Variants in NACA observed in about 807,000 individuals in gnomAD.
NACA encodes nascent polypeptide associated complex subunit alpha.
In NACA, 42 loss-of-function variants were observed where a neutral mutation model predicts 86.4. The ratio of observed to expected loss-of-function variants is 0.49; its 90% CI spans 0.38 to 0.63. The LOEUF (loss-of-function observed/expected upper bound fraction) is 0.63. Ranked by LOEUF, NACA falls within the 20% of genes least tolerant of loss-of-function variation. The pLI is 0.00. For missense variants in NACA, 2,157 were observed against 2,483.6 expected, an observed-to-expected ratio of 0.87 and a Z score of 2.80; for synonymous variants, 898 against 973.7, an observed-to-expected ratio of 0.92 and a Z score of 1.45.
Position 56,720,386 on chromosome 12 carries a change from C to T in NACA, c.1144G>A (p.Asp382Asn), listed in dbSNP as rs1321605291. The part of the protein sequence containing the change: ...AAFPVVAPSV[D>N]KGPSTISSIT... Reference sequence around the variant, plus strand: ...CTAGAGATGGTAGAGGGACCTTTGTCAACAGATGGAGCCACCACTGGAAAG... The same window carrying T: ...CTAGAGATGGTAGAGGGACCTTTGTTAACAGATGGAGCCACCACTGGAAAG... The change falls in exon 3 of 9, where the codon GAC becomes AAC. Residue 382 changes from aspartate to asparagine, a missense_variant. By Grantham distance (23) the Asp-to-Asn change is conservative. Coordinates refer to ENST00000454682, the MANE Select transcript of NACA (RefSeq NM_001365896.1). 1.5e-5 allele frequency: 25 copies of T among 1,613,842 alleles called. No homozygotes were observed. The highest frequency in any genetic ancestry group is 2.1e-5 in the Non-Finnish European group (25 of 1,179,846).
In NACA at chr12:56,720,520, T is replaced by C. The variant is rs1953542246; in HGVS notation, c.1010A>G (p.Lys337Arg). The C allele has an allele frequency of 6.2e-7, 1 of 1,613,724 alleles. No homozygotes were observed. Among genetic ancestry groups the C allele is most frequent in the Admixed American group, 1.7e-5 (1 of 60,018 alleles). ...GGAAGAATGATCTACAGAAATGGTC[T>C]TCACTGTAGGGTCTGACAAAGCACT... is the stretch of plus-strand genomic sequence containing the variant. ...GPSALSDPTV[K>R]TISVDHSSTG... The change falls in exon 3 of 9, where the codon AAG becomes AGG. Residue 337 changes from lysine to arginine, a missense_variant. This residue lies in a region of NACA where 947 missense variants were observed against 917.9 expected (regional missense o/e 1.03). Transcript: ENST00000454682.
chr12:56,713,214 C>T (rs202101850), intron 6 of NACA, 24 bp from the exon 7 acceptor site: 2 of 1,611,812 alleles, frequency 1.2e-6, no homozygotes, highest in Non-Finnish European at 1.7e-6. Flanking sequence ...AATACAGATC[C>T]ATGTGAGTAG....
Position 56,720,889 on chromosome 12 carries a change from T to A in NACA, c.641A>T (p.Tyr214Phe), listed in dbSNP as rs772622762. Residue 214 changes from tyrosine to phenylalanine, a missense_variant, in exon 3 of 9, where the codon TAC (tyrosine) becomes TTC (phenylalanine). Tyr to Phe is a conservative substitution (Grantham distance 22). Around this residue, in one of 8 missense-constraint regions of NACA, gnomAD observed 947 missense variants for 917.9 expected, o/e 1.03. Transcript: ENST00000454682. ...AGAGGCCATGGGAGTCACACAGTGGTAAGGAACAGTACTGACTATACATGG... is the reference window on the plus strand; with the variant it reads ...AGAGGCCATGGGAGTCACACAGTGGAAAGGAACAGTACTGACTATACATGG... Reference protein sequence around the residue: ...SPPCIVSTVPYHCVTPMASIQ... With the variant: ...SPPCIVSTVPFHCVTPMASIQ... The A allele has an allele frequency of 6.2e-7, 1 of 1,613,824 alleles. No homozygotes were observed. The highest frequency in any genetic ancestry group is 1.1e-5 in the South Asian group (1 of 91,072).
rs1278108361 is a variant in NACA at position 56,716,244 on chromosome 12, C to T, written c.5286G>A (p.Leu1762=). The T allele has an allele frequency of 6.2e-7, 1 of 1,613,748 alleles. No homozygotes were observed. The highest frequency in any genetic ancestry group is 1.1e-5 in the South Asian group (1 of 91,034). The change falls in exon 3 of 9, where the codon TTG becomes TTA. Residue 1762 remains leucine (L), a synonymous_variant. Coordinates refer to ENST00000454682, the MANE Select transcript of NACA (RefSeq NM_001365896.1). ...KDASHSPKGP[L]APPESKASTP... is the part of the protein sequence containing the mutation. ...TGGACGCCTTAGACTCAGGAGGAGC[C>T]AAGGGGCCCTTTGGGGAATGAGAAG...
chr12:56,718,931 G>A lies in NACA; in HGVS notation c.2599C>T (p.Pro867Ser), dbSNP rs763741400. ...TPPSPKGAPT[P>S]SAVTPLSPKG... is the part of the protein sequence containing the mutation. Reference sequence around the variant, plus strand: ...GGAGACAGAGGAGTCACAGCTGAGGGAGTAGGGGCCCCTTTGGGGGATGGA... The same window carrying A: ...GGAGACAGAGGAGTCACAGCTGAGGAAGTAGGGGCCCCTTTGGGGGATGGA... Residue 867 changes from proline to serine, a missense_variant, in exon 3 of 9, where the codon CCC (proline) becomes TCC (serine). Physicochemically the swap from Pro to Ser is moderately conservative, Grantham distance 74. This residue lies in a region of NACA where 174 missense variants were observed against 217.0 expected (regional missense o/e 0.80). Transcript: ENST00000454682. The A allele has an allele frequency of 3.5e-6, 5 of 1,441,232 alleles. No individual in the cohort carries two copies. The highest frequency in any genetic ancestry group is 3.7e-6 in the Non-Finnish European group (4 of 1,068,090). 89.3% of individuals were successfully genotyped at this position (1,441,232 alleles called of 1,614,324 possible). A position where few individuals can be genotyped will look rare whatever the true frequency, so the allele number is the denominator to read the frequency against.
In NACA at chr12:56,716,544, C is replaced by T; in HGVS notation, c.4986G>A (p.Gly1662=). 1 of 1,470,680 alleles carries T rather than the reference C, an allele frequency of 6.8e-7. No individual in the cohort carries two copies. The highest frequency in any genetic ancestry group is 9.2e-7 in the Non-Finnish European group (1 of 1,087,712). The allele number at this position is 1,470,680 out of a possible 1,614,324, so 91.1% of individuals were successfully genotyped here. The change falls in exon 3 of 9, where the codon GGG becomes GGA. Residue 1662 remains glycine (G), a synonymous_variant. Coordinates refer to ENST00000454682, the MANE Select transcript of NACA (RefSeq NM_001365896.1). ...CTTTAGATGCTTGAGGAACAGTGGC[C>T]CCCATTTTACATGTGACAGAAGCTG... ...TSPASVTCKM[G]ATVPQASKGL...
chr12:56,714,294 T>C lies in NACA; in HGVS notation c.5823+68A>G, dbSNP rs189777655. The C allele has an allele frequency of 1.5e-5, 23 of 1,519,810 alleles. No homozygotes were observed. In the African/African-American group the frequency reaches 1.9e-4, roughly 13 times the overall value. 94.1% of individuals were successfully genotyped at this position (1,519,810 alleles called of 1,614,324 possible). ...ATACCACCTGTTCCCCAAAAACCTA[T>C]GGAAATAAACAGTTCCACTCTGTAT... On this transcript the variant is annotated intron_variant, in intron 5 of 8. Coordinates refer to ENST00000454682, the MANE Select transcript of NACA (RefSeq NM_001365896.1).
chr12:56,717,170 C>CT lies in NACA; in HGVS notation c.4359dup (p.Gly1454ArgfsTer83), dbSNP rs762515114. Reference sequence around the variant, plus strand: ...TTGGAGGATGGGGTAGCTGGGCCTCCTTTGGGGGCTGAAGTTGCTGGGGCC... The same window carrying CT: ...TTGGAGGATGGGGTAGCTGGGCCTCCTTTTGGGGGCTGAAGTTGCTGGGGCC... On this transcript the variant is annotated frameshift_variant, in exon 3 of 9. Coordinates refer to ENST00000454682, the MANE Select transcript of NACA (RefSeq NM_001365896.1). LOFTEE classifies it high-confidence loss of function. 2.3e-6 allele frequency: 3 copies of CT among 1,294,252 alleles called. No homozygotes were observed. Among genetic ancestry groups the CT allele is most frequent in the South Asian group, 1.6e-5 (1 of 63,422 alleles). The allele number at this position is 1,294,252 out of a possible 1,614,324, so 80.2% of individuals were successfully genotyped here. A position where few individuals can be genotyped will look rare whatever the true frequency, so the allele number is the denominator to read the frequency against.
intron 5 of NACA, chr12:56,714,001 C>A: frequency 7.7e-6 from 3 of 388,284 alleles, no homozygotes; most frequent in South Asian, 6.0e-5. Flanking sequence ...TACCACCATG[C>A]CCTGCTATAT....
chr12:56,724,330 A>C (rs1230720525), intron 2 of NACA, 122 bp downstream of exon 2: 5 of 909,400 alleles, frequency 5.5e-6, no homozygotes, highest in Non-Finnish European at 6.6e-6. Flanking sequence ...TTTACGGTCT[A>C]TCCTCCTTGG....
Position 56,715,955 on chromosome 12 carries a change from G to C in NACA, c.5575C>G (p.Leu1859Val), listed in dbSNP as rs766165248. Reference sequence around the variant, plus strand: ...GATTTAGGGGTGGGCATGTTGACGAGGACCGACTGGAAAGGCACTCCCCCA... The same window carrying C: ...GATTTAGGGGTGGGCATGTTGACGACGACCGACTGGAAAGGCACTCCCCCA... ...ISGGVPFQSV[L>V]VNMPTPKSAG... is the part of the protein sequence containing the mutation. Residue 1859 changes from leucine (L) to valine (V), a missense_variant, in exon 3 of 9, where the codon CTC (leucine) becomes GTC (valine). By Grantham distance (32) the Leu-to-Val change is conservative. Coordinates refer to ENST00000454682, the MANE Select transcript of NACA (RefSeq NM_001365896.1). The C allele has an allele frequency of 8.4e-6, 13 of 1,546,764 alleles. No individual in the cohort carries two copies. In the African/African-American group the frequency reaches 1.4e-4, roughly 16 times the overall value.
At chr12:56,712,938 T>C in intron 7 of NACA, 30 bp from the exon 8 acceptor site, 1 of 1,613,848 alleles carries the variant, frequency 6.2e-7, no homozygotes, top group Non-Finnish European at 8.5e-7. Context: ...AAGCAGTAAA[T>C]TAAAGGCAAG....
Position 56,719,120 on chromosome 12 carries a change from G to T in NACA, c.2410C>A (p.Gln804Lys). ...TTCTTGGTTGGAGGTCTTTTAGTCT[G>T]AGGAGACACACTAACCCCTAAAGGA... Reference protein sequence around the residue: ...PSPLGVSVSPQTKRPPTKKGS... With the variant: ...PSPLGVSVSPKTKRPPTKKGS... The change falls in exon 3 of 9, where the codon CAG becomes AAG. Residue 804 changes from glutamine to lysine, a missense_variant. Gln to Lys is a moderately conservative substitution (Grantham distance 53, BLOSUM62 1). Transcript: ENST00000454682. 1 of 1,455,270 alleles carries T rather than the reference G, an allele frequency of 6.9e-7. No individual in the cohort carries two copies. 90.1% of individuals were successfully genotyped at this position (1,455,270 alleles called of 1,614,324 possible). A position where few individuals can be genotyped will look rare whatever the true frequency, so the allele number is the denominator to read the frequency against.
intron 3 of NACA, 70 bp downstream of exon 3, chr12:56,715,801 T>C (rs1025592029): frequency 9.0e-5 from 123 of 1,359,546 alleles, no homozygotes; most frequent in Non-Finnish European, 1.2e-4. Context: ...AGGGTTAGTA[T>C]TGGTGGGTAG....
rs182949075 is a variant in NACA, at chr12:56,721,388, G to A, written c.142C>T (p.Pro48Ser). Residue 48 changes from proline to serine, a missense_variant, in exon 3 of 9, where the codon CCT becomes TCT. Transcript: ENST00000454682. ...LGQPGPTLPP[P>S]CSPAPQQCPL... ...CACTGTTGTGGGGCAGGAGAGCAAG[G>A]AGGGGGGAGGGTAGGTCCAGGCTGC... The A allele has an allele frequency of 1.9e-3, 2,986 of 1,574,206 alleles. 9 individuals carry two copies. Among genetic ancestry groups the A allele is most frequent in the Non-Finnish European group, 1.8e-3 (2,129 of 1,163,738 alleles).
In NACA at chr12:56,716,867, C is replaced by G. The variant is rs750074712; in HGVS notation, c.4663G>C (p.Val1555Leu). The G allele has an allele frequency of 4.1e-6, 5 of 1,207,570 alleles. No individual in the cohort carries two copies. The highest frequency in any genetic ancestry group is 7.7e-5 in the East Asian group (2 of 26,126). The allele number at this position is 1,207,570 out of a possible 1,614,324, so 74.8% of individuals were successfully genotyped here. The change falls in exon 3 of 9, where the codon GTT (valine) becomes CTT (leucine). Residue 1555 changes from valine (V) to leucine (L), a missense_variant. Physicochemically the swap from Val to Leu is conservative, Grantham distance 32 (BLOSUM62 1). This residue lies in a region of NACA where 797 missense variants were observed against 777.6 expected (regional missense o/e 1.02). Coordinates refer to ENST00000454682, the MANE Select transcript of NACA (RefSeq NM_001365896.1). ...GCTGGGGTCTTTTTAGGGGAGGGAA[C>G]AGTCATAGCTGGGGGAATGAGGGCC... ...KEALIPPAMT[V>L]PSPKKTPAIP...
chr12:56,717,613 G>C lies in NACA; in HGVS notation c.3917C>G (p.Pro1306Arg), dbSNP rs369635295. The C allele has an allele frequency of 1.0e-5, 13 of 1,261,254 alleles. No individual in the cohort carries two copies. In the South Asian group the frequency reaches 1.2e-4, roughly 12 times the overall value. The allele number at this position is 1,261,254 out of a possible 1,614,324, so 78.1% of individuals were successfully genotyped here. The change falls in exon 3 of 9, where the codon CCC becomes CGC. Residue 1306 changes from proline (P) to arginine (R), a missense_variant. By Grantham distance (103) the Pro-to-Arg change is moderately radical (BLOSUM62 -2). Transcript: ENST00000454682. ...SPKGGPATSP[P>R]KGAPTPPAAT... ...AGCTGGAGGAGTGGGGGCCCCTTTG[G>C]GGGGTGAGGTAGCTGGGCCTCCTTT...
intron 6 of NACA, 164 bp from the exon 7 acceptor site, chr12:56,713,354 T>C: frequency 1.6e-6 from 2 of 1,213,798 alleles, no homozygotes; most frequent in Non-Finnish European, 1.1e-6. Context: ...TTTAGAGCAG[T>C]GGTTCTCAAC....
In NACA at chr12:56,716,767, G is replaced by A; in HGVS notation, c.4763C>T (p.Ser1588Phe). ...GGGGGATGGGGCCCCTTTGTAAGTG[G>A]AAGGAGTCACTGCTGGGGGACTGGA... ...EASSPPAVTP[S>F]TYKGAPSPKE... Residue 1588 changes from serine (S) to phenylalanine (F), a missense_variant, in exon 3 of 9, where the codon TCC becomes TTC. Coordinates refer to ENST00000454682, the MANE Select transcript of NACA (RefSeq NM_001365896.1). The A allele has an allele frequency of 4.4e-6, 6 of 1,373,802 alleles. No homozygotes were observed. The highest frequency in any genetic ancestry group is 4.8e-6 in the Non-Finnish European group (5 of 1,041,590). The allele number at this position is 1,373,802 out of a possible 1,614,324, so 85.1% of individuals were successfully genotyped here.
Sources: gnomAD v4.1 joint callset for allele counts on GRCh38, gnomAD v4.1.1 for gene constraint, gnomAD v4.1.1 regional missense constraint, MANE v1.5 for transcripts, NCBI Gene and HGNC (gene_info 2026-07-23, HGNC 2026-07-21) for gene names.